WDR45B: variants seen among roughly 807,000 people sequenced by gnomAD.
The protein encoded by WDR45B is WD repeat domain phosphoinositide-interacting protein 3.
A neutral mutation model predicts 44.6 loss-of-function variants in WDR45B; 20 were observed. The observed-to-expected ratio is 0.45, with a 90% CI of 0.32 to 0.65. The LOEUF (loss-of-function observed/expected upper bound fraction) is 0.65, where lower values mean the gene tolerates loss of function less well. Among genes scored for constraint, WDR45B ranks in the 30% least tolerant of loss-of-function variants. The pLI is 0.05. For missense variants in WDR45B, 323 were observed against 430.2 expected, an observed-to-expected ratio of 0.75 and a Z score of 2.20; for synonymous variants, 169 against 164.9, an observed-to-expected ratio of 1.02 and a Z score of -0.19.
chr17:82,617,483 G>GA, intron 7 of WDR45B, 86 bp from the exon 8 acceptor site: 1 of 1,334,542 alleles, frequency 7.5e-7, no homozygotes, highest in Non-Finnish European at 1.1e-6. Flanking sequence ...CGACACTGTG[G>GA]AACACCTCAA....
chr17:82,616,461 C>T (rs962678853), intron 9 of WDR45B, 63 bp downstream of exon 9: 77 of 1,611,180 alleles, frequency 4.8e-5, no homozygotes, highest in African/African-American at 2.5e-4. Flanking sequence ...TTAGGTCTGA[C>T]GCTCAGTGGA....
chr17:82,622,063 G>A lies in WDR45B; in HGVS notation c.428-264C>T, dbSNP rs570136003. ...TCCATCCATCATGGTACGCGCTACC[G>A]AAAATGCAATGCAAAATTAACGACT... On this transcript the variant is annotated intron_variant, in intron 5 of 9. Transcript: ENST00000392325. 3.3e-5 allele frequency among the ~76,000 whole-genome samples: 5 copies of A among 152,188 alleles called. No homozygotes were observed. In the East Asian group the frequency reaches 5.8e-4, roughly 18 times the overall value.
chr17:82,617,832 T>C (rs928545324), intron 7 of WDR45B, among the ~76,000 whole-genome samples: 1 of 152,214 alleles, frequency 6.6e-6, no homozygotes, highest in South Asian at 2.1e-4. Flanking sequence ...GGCCGTGTGC[T>C]GTCTGTTCTA....
Position 82,615,661 on chromosome 17 carries a change from G to GA in WDR45B, c.*257dup. ...AGCCACTGAAGCTAACGTCACAGCT[G>GA]AACTCATGGGAACAGCCAGTGGCCG... On this transcript the variant is annotated 3_prime_UTR_variant, in exon 10 of 10. Transcript: ENST00000392325. 1.9e-6 allele frequency: 1 copy of GA among 526,742 alleles called. No individual in the cohort carries two copies. Among genetic ancestry groups the GA allele is most frequent in the South Asian group, 2.0e-5 (1 of 49,736 alleles). The allele number at this position is 526,742 out of a possible 1,614,324, so 32.6% of individuals were successfully genotyped here.
chr17:82,631,895 C>T (rs957897780), intron 2 of WDR45B, among the ~76,000 whole-genome samples: 3 of 151,678 alleles, frequency 2.0e-5, no homozygotes, highest in African/African-American at 7.3e-5. Context: ...CCATCTGGGC[C>T]AACATGGTGA....
At chr17:82,641,215 C>T (rs941292038) in intron 2 of WDR45B, among the ~76,000 whole-genome samples, 2 of 152,154 alleles carry the variant, frequency 1.3e-5, no homozygotes, top group African/African-American at 4.8e-5. Flanking sequence ...AATCTGCTCG[C>T]CTCAGCCTCC....
rs144088382 is a variant in WDR45B at position 82,617,611 on chromosome 17, C to T, written c.705-214G>A. The stretch of plus-strand genomic sequence containing the variant: ...GCCACAGCCACAATCCAGTGTATCA[C>T]GGCAAGTTTTCCTTGGGTGCCCCAC... On this transcript the variant is annotated intron_variant, in intron 7 of 9. Transcript: ENST00000392325. The T allele has an allele frequency of 1.9e-3, 1,128 of 590,460 alleles. 17 individuals carry two copies. Among genetic ancestry groups the T allele is most frequent in the African/African-American group, 0.019 (1,023 of 53,948 alleles). 36.6% of individuals were successfully genotyped at this position (590,460 alleles called of 1,614,324 possible). A position where few individuals can be genotyped will look rare whatever the true frequency, so the allele number is the denominator to read the frequency against.
chr17:82,625,319 G>T, intron 5 of WDR45B, 70 bp downstream of exon 5: 1 of 1,452,154 alleles, frequency 6.9e-7, no homozygotes, highest in Non-Finnish European at 9.7e-7. Context: ...GCTTGGAGAA[G>T]GGAGTGCCCA....
chr17:82,643,920 A>C, intron 2 of WDR45B, 29 bp downstream of exon 2: 1 of 1,610,038 alleles, frequency 6.2e-7, no homozygotes, highest in Admixed American at 1.7e-5. Context: ...GAAAGGGGAG[A>C]AACCAGAAAA....
Position 82,646,867 on chromosome 17 carries a change from G to C in WDR45B, c.67+1407C>G, listed in dbSNP as rs529505910. On this transcript the variant is annotated intron_variant, in intron 1 of 9. Transcript: ENST00000392325. ...CCAGCACACAACCCTGGGGAAGCTG[G>C]CAGCGCCCAGGAAGCCTGACTGGTC... Among the ~76,000 whole-genome samples, 8 of 152,338 alleles carry C rather than the reference G, an allele frequency of 5.3e-5. No individual in the cohort carries two copies. The South Asian group carries it at 1.7e-3, about 32-fold the overall frequency.
At chr17:82,631,071 T>C (rs1302448126) in intron 2 of WDR45B, 49 bp from the exon 3 acceptor site, 1 of 1,546,290 alleles carries the variant, frequency 6.5e-7, no homozygotes, top group Admixed American at 1.7e-5. Context: ...AATATGTATA[T>C]TTTACAATAA....
At chr17:82,646,000 A>C (rs1598282681) in intron 1 of WDR45B, among the ~76,000 whole-genome samples, 1 of 152,154 alleles carries the variant, frequency 6.6e-6, no homozygotes, top group South Asian at 2.1e-4. Context: ...GGGCACCTGT[A>C]ATCCCAACTA....
In WDR45B at chr17:82,633,327, AGGAC is replaced by A. The variant is rs1188916288; in HGVS notation, c.143-2309_143-2306del. Among the ~76,000 whole-genome samples, 47 of 152,332 alleles carry A rather than the reference AGGAC, an allele frequency of 3.1e-4. 1 individual carries two copies. In the East Asian group the frequency reaches 7.1e-3, roughly 23 times the overall value. ...AGTGCGTAATATCCAGAATATATGA[AGGAC>A]TTTTACAACTCAACAATAAAAAAAT... On this transcript the variant is annotated intron_variant, in intron 2 of 9. Coordinates refer to ENST00000392325, the MANE Select transcript of WDR45B (RefSeq NM_019613.4).
chr17:82,630,227 G>C (rs2045749605), intron 3 of WDR45B, among the ~76,000 whole-genome samples: 2 of 151,786 alleles, frequency 1.3e-5, no homozygotes, highest in Admixed American at 1.3e-4. Flanking sequence ...ACACAGATCT[G>C]ACGGCATCTC....
In WDR45B at chr17:82,621,633, T is replaced by A. The variant is rs771834585; in HGVS notation, c.594A>T (p.Thr198=). ...CTTTCTCGGATGCAGTTGCAATTCT[T>A]GTTCCCTGCAGGTTGAGTGCAATGC... is the stretch of plus-strand genomic sequence containing the variant. ...LSCIALNLQG[T]RIATASEKGT... is the part of the protein sequence containing the mutation. Residue 198 remains threonine, a synonymous_variant, in exon 6 of 10, where the codon ACA becomes ACT. Coordinates refer to ENST00000392325, the MANE Select transcript of WDR45B (RefSeq NM_019613.4). 1.9e-5 allele frequency: 30 copies of A among 1,614,254 alleles called. No homozygotes were observed. In the East Asian group the frequency reaches 6.7e-4, roughly 36 times the overall value.
chr17:82,620,127 C>A (rs2045593739), intron 6 of WDR45B, among the ~76,000 whole-genome samples: 1 of 152,168 alleles, frequency 6.6e-6, no homozygotes, highest in Non-Finnish European at 1.5e-5. Flanking sequence ...TAATATGATA[C>A]CATTCTAAAA....
chr17:82,632,317 G>A (rs888775418), intron 2 of WDR45B, among the ~76,000 whole-genome samples: 8 of 151,826 alleles, frequency 5.3e-5, no homozygotes, highest in African/African-American at 1.7e-4. Context: ...ACACATCACC[G>A]CGCCTGGTTA....
At chr17:82,626,803 C>T (rs2045704608) in intron 4 of WDR45B, 2 of 263,020 alleles carry the variant, frequency 7.6e-6, no homozygotes, top group South Asian at 9.1e-5. Context: ...TTCAATTTTC[C>T]TTTACCTTCA....
rs1433630661 is a variant in WDR45B, at chr17:82,614,918, C to T, written c.*1001G>A. 3 of 152,174 alleles carry T rather than the reference C, an allele frequency of 2.0e-5. No individual in the cohort carries two copies. Among genetic ancestry groups the T allele is most frequent in the Non-Finnish European group, 4.4e-5 (3 of 68,032 alleles). The allele number at this position is 152,174 out of a possible 1,614,324, so 9.4% of individuals were successfully genotyped here. ...AAAAAAGTTATGTGCCTCTCCTTCC[C>T]AAAATGTTAGTGTGTAGCTATTCTT... is the stretch of plus-strand genomic sequence containing the variant. On this transcript the variant is annotated 3_prime_UTR_variant, in exon 10 of 10. Coordinates refer to ENST00000392325, the MANE Select transcript of WDR45B (RefSeq NM_019613.4).
Sources: gnomAD v4.1 joint callset for allele counts (sites outside exome capture counted in the v4.1 genomes callset) on GRCh38, gnomAD v4.1.1 for gene constraint, MANE v1.5 for transcripts, NCBI Gene and HGNC (gene_info 2026-07-23, HGNC 2026-07-21) for gene names.